Variants in NRXN3 observed in about 807,000 individuals in gnomAD.
NRXN3 encodes neurexin III.
A neutral mutation model predicts 137.6 loss-of-function variants in NRXN3; 32 were observed. The ratio of observed to expected loss-of-function variants is 0.23; its 90% confidence interval spans 0.18 to 0.31. The LOEUF (loss-of-function observed/expected upper bound fraction) is 0.31, where lower values mean the gene tolerates loss of function less well. NRXN3 is among the 10% of genes least tolerant of loss of function. NRXN3 has a pLI of 1.00. For missense variants in NRXN3, 1,574 were observed against 2,062.5 expected (o/e 0.76, Z 4.59); for synonymous variants, 798 against 784.5 (o/e 1.02, Z -0.29).
intron 1 of NRXN3, among the ~76,000 whole-genome samples, chr14:78,225,976 T>TTG (rs774284957): frequency 0.056 from 5,902 of 106,154 alleles, 129 homozygotes; most frequent in African/African-American, 0.066. Flanking sequence ...TGTGTGTTGG[T>TTG]GTGTGTGTGT....
At chr14:79,360,410 T>TA (rs2153415591) in intron 15 of NRXN3, among the ~76,000 whole-genome samples, 1 of 152,366 alleles carries the variant, frequency 6.6e-6, no homozygotes, top group South Asian at 2.1e-4. Flanking sequence ...CAGCCATTTG[T>TA]AATATTTACA....
At chr14:79,214,748 C>T (rs1291642543) in intron 15 of NRXN3, among the ~76,000 whole-genome samples, 2 of 152,098 alleles carry the variant, frequency 1.3e-5, no homozygotes, top group Non-Finnish European at 2.9e-5. Flanking sequence ...TTTTGCTTAT[C>T]TTTGTCAGTA....
intron 16 of NRXN3, among the ~76,000 whole-genome samples, chr14:79,587,969 T>C (rs1381513558): frequency 6.6e-6 from 1 of 152,218 alleles, no homozygotes; most frequent in Non-Finnish European, 1.5e-5. Context: ...CAGTTTCTCT[T>C]TGAGTAAGTT....
chr14:79,071,993 T>C (rs1407928080), intron 15 of NRXN3: 1 of 151,220 alleles, frequency 6.6e-6, no homozygotes, highest in East Asian at 2.0e-4. Context: ...GTTGAATAGA[T>C]AGGCAGATAG....
At chr14:78,672,290 C>T (rs2097944153) in intron 6 of NRXN3, among the ~76,000 whole-genome samples, 1 of 152,114 alleles carries the variant, frequency 6.6e-6, no homozygotes, top group Non-Finnish European at 1.5e-5. Context: ...AGAACAAATG[C>T]AAGTGATGAA....
intron 15 of NRXN3, among the ~76,000 whole-genome samples, chr14:79,346,614 C>T (rs1566867373): frequency 1.3e-5 from 2 of 152,156 alleles, no homozygotes; most frequent in African/African-American, 2.4e-5. Flanking sequence ...TGTGCTACCC[C>T]TCTGCCCCTA....
intron 15 of NRXN3, among the ~76,000 whole-genome samples, chr14:79,103,801 A>C (rs1191377661): frequency 1.3e-5 from 2 of 152,196 alleles, no homozygotes; most frequent in African/African-American, 2.4e-5. Flanking sequence ...TCTCAAATGT[A>C]TATGTGAAGG....
chr14:78,795,202 C>T (rs938104013), intron 8 of NRXN3, among the ~76,000 whole-genome samples: 11 of 152,136 alleles, frequency 7.2e-5, no homozygotes, highest in African/African-American at 2.7e-4. Flanking sequence ...TTAACACAGA[C>T]TGGGAAGGGT....
intron 8 of NRXN3, among the ~76,000 whole-genome samples, chr14:78,792,204 GA>G (rs71131660): frequency 0.96 from 105,208 of 109,216 alleles, 50,672 homozygotes; most frequent in East Asian, 0.99. Context: ...AGAACTCAAA[GA>G]AAAAAAAAAA....
At chr14:78,364,973 G>T (rs1229420813) in intron 4 of NRXN3, among the ~76,000 whole-genome samples, 2 of 151,996 alleles carry the variant, frequency 1.3e-5, no homozygotes, top group Non-Finnish European at 2.9e-5. Context: ...TTTCACTATT[G>T]TTAATGATTA....
chr14:78,301,900 C>T (rs1464032966), intron 4 of NRXN3, among the ~76,000 whole-genome samples: 1 of 152,182 alleles, frequency 6.6e-6, no homozygotes, highest in Non-Finnish European at 1.5e-5. Flanking sequence ...CAGGTGGCTT[C>T]ATTCTCAGAA....
chr14:79,770,289 A>G (rs1036262989), intron 19 of NRXN3, among the ~76,000 whole-genome samples: 15 of 152,138 alleles, frequency 9.9e-5, no homozygotes, highest in Admixed American at 3.9e-4. Flanking sequence ...AGACATCTCC[A>G]GAACTCTCCA....
At chr14:79,706,715 A>AAATC (rs1377018672) in intron 19 of NRXN3, among the ~76,000 whole-genome samples, 2 of 152,162 alleles carry the variant, frequency 1.3e-5, no homozygotes, top group Non-Finnish European at 1.5e-5. Context: ...ATTAAAGAAT[A>AAATC]AATCAGTAGT....
chr14:79,147,074 G>T (rs933359554), intron 15 of NRXN3, among the ~76,000 whole-genome samples: 2 of 152,158 alleles, frequency 1.3e-5, no homozygotes, highest in African/African-American at 4.8e-5. Context: ...TAGCAGGTCA[G>T]ATTTAAAAGA....
At chr14:79,141,059 T>C (rs1440129741) in intron 15 of NRXN3, among the ~76,000 whole-genome samples, 3 of 152,210 alleles carry the variant, frequency 2.0e-5, no homozygotes, top group Non-Finnish European at 4.4e-5. Context: ...CAAACTGATA[T>C]AAGGTGTAGC....
At chr14:79,460,308 G>A (rs918157795) in intron 15 of NRXN3, among the ~76,000 whole-genome samples, 1 of 152,058 alleles carries the variant, frequency 6.6e-6, no homozygotes, top group African/African-American at 2.4e-5. Flanking sequence ...GTAAGAACAG[G>A]GTTTGAACAT....
At chr14:78,689,734 TGGA>T in intron 6 of NRXN3, among the ~76,000 whole-genome samples, 1 of 152,298 alleles carries the variant, frequency 6.6e-6, no homozygotes, top group East Asian at 1.9e-4. Flanking sequence ...CCTTCTAGGC[TGGA>T]ATAATGTACT....
intron 6 of NRXN3, among the ~76,000 whole-genome samples, chr14:78,655,695 A>G (rs1347868486): frequency 6.6e-6 from 1 of 152,192 alleles, no homozygotes; most frequent in Non-Finnish European, 1.5e-5. Flanking sequence ...AAATAAATAA[A>G]TGAATATGAT....
intron 4 of NRXN3, among the ~76,000 whole-genome samples, chr14:78,435,773 G>A (rs1028566402): frequency 7.2e-5 from 11 of 152,092 alleles, no homozygotes; most frequent in African/African-American, 2.4e-4. Flanking sequence ...ACACATCGAC[G>A]TCCAGGGATT....
Sources: gnomAD v4.1 joint callset for allele counts (sites outside exome capture counted in the v4.1 genomes callset) on GRCh38, gnomAD v4.1.1 for gene constraint, MANE v1.5 for transcripts, NCBI Gene and HGNC (gene_info 2026-07-23, HGNC 2026-07-21) for gene names.